The following CDH23 variants were observed in gnomAD, a reference collection of about 807,000 sequenced individuals.
CDH23 encodes the protein cadherin-23.
In CDH23, 189 loss-of-function variants were observed where a neutral mutation model predicts 317.1. The ratio of observed to expected loss-of-function variants is 0.60; its 90% CI spans 0.53 to 0.67. The LOEUF (loss-of-function observed/expected upper bound fraction) is 0.67. Among genes scored for constraint, CDH23 ranks in the 30% least tolerant of loss-of-function variants. The pLI, the probability that CDH23 is intolerant of heterozygous loss-of-function variation, is 0.00. For synonymous variants in CDH23, 1,839 were observed against 1,876.8 expected, an observed-to-expected ratio of 0.98 and a Z score of 0.52; for missense variants, 4,401 against 4,592.4, an observed-to-expected ratio of 0.96 and a Z score of 1.20.
chr10:71,689,439 A>G (rs747563361), intron 19 of CDH23, among the ~76,000 whole-genome samples: 31 of 152,098 alleles, frequency 2.0e-4, no homozygotes, highest in Non-Finnish European at 3.8e-4. Flanking sequence ...GACTGTGTCA[A>G]GGAGAAGCCT....
At chr10:71,448,597 G>A (rs1275311207) in intron 3 of CDH23, among the ~76,000 whole-genome samples, 1 of 152,236 alleles carries the variant, frequency 6.6e-6, no homozygotes. Context: ...TCACCTGAAA[G>A]TCAGGAGCCC....
intron 44 of CDH23, among the ~76,000 whole-genome samples, 186 bp downstream of exon 44, chr10:71,785,924 T>C (rs1841094423): frequency 6.6e-6 from 1 of 152,188 alleles, no homozygotes; most frequent in Non-Finnish European, 1.5e-5. Context: ...TTAACTCCTC[T>C]TGGCCTCCAT....
intron 38 of CDH23, chr10:71,761,841 G>A (rs777776745): frequency 6.2e-6 from 10 of 1,613,976 alleles, no homozygotes; most frequent in East Asian, 4.5e-5. Context: ...GTGAGGTTGC[G>A]GATGGGCCGG....
chr10:71,804,826 T>G (rs1025338738), intron 55 of CDH23, among the ~76,000 whole-genome samples: 7 of 152,232 alleles, frequency 4.6e-5, no homozygotes, highest in Non-Finnish European at 8.8e-5. Flanking sequence ...TTATAATTTA[T>G]GTATTCTTGT....
At chr10:71,541,226 C>A (rs1855971075) in intron 6 of CDH23, among the ~76,000 whole-genome samples, 1 of 152,176 alleles carries the variant, frequency 6.6e-6, no homozygotes, top group Non-Finnish European at 1.5e-5. Context: ...TCTTGGTATG[C>A]CAAGGCCCAG....
chr10:71,437,932 A>T (rs921398898), intron 1 of CDH23, among the ~76,000 whole-genome samples: 2 of 152,190 alleles, frequency 1.3e-5, no homozygotes, highest in African/African-American at 4.8e-5. Flanking sequence ...TAAGCATTTC[A>T]GTTTGCAACC....
At chr10:71,562,027 G>T (rs1458826938) in intron 6 of CDH23, among the ~76,000 whole-genome samples, 1 of 152,130 alleles carries the variant, frequency 6.6e-6, no homozygotes, top group Non-Finnish European at 1.5e-5. Context: ...GTTGGAAGAA[G>T]CTACCCTGGA....
intron 9 of CDH23, among the ~76,000 whole-genome samples, chr10:71,600,181 T>G (rs1860125790): frequency 6.6e-6 from 1 of 151,998 alleles, no homozygotes; most frequent in Non-Finnish European, 1.5e-5. Context: ...TTTGTACTTT[T>G]AGTAGAGACA....
At chr10:71,615,678 C>T in intron 10 of CDH23, 62 bp downstream of exon 10, 1 of 1,213,802 alleles carries the variant, frequency 8.2e-7, no homozygotes, top group South Asian at 1.3e-5. Flanking sequence ...GGATGCCAAC[C>T]TCCAGCAGTG....
chr10:71,605,015 A>T (rs1188448694), intron 9 of CDH23, among the ~76,000 whole-genome samples: 1 of 152,230 alleles, frequency 6.6e-6, no homozygotes, highest in Non-Finnish European at 1.5e-5. Context: ...CATTAAAATG[A>T]ATCAGTTTGC....
chr10:71,713,087 A>AC, intron 28 of CDH23: 1 of 759,672 alleles, frequency 1.3e-6, no homozygotes, highest in Non-Finnish European at 2.4e-6. Flanking sequence ...CTCCCGCCCC[A>AC]CCCAGAAGGG....
intron 1 of CDH23, among the ~76,000 whole-genome samples, chr10:71,401,547 G>A (rs959353530): frequency 9.8e-5 from 15 of 152,312 alleles, no homozygotes; most frequent in African/African-American, 3.6e-4. Context: ...GTACTTTCCA[G>A]ATGGGTGGTG....
intron 1 of CDH23, among the ~76,000 whole-genome samples, chr10:71,437,988 A>G (rs1233460276): frequency 6.6e-6 from 1 of 152,218 alleles, no homozygotes; most frequent in Non-Finnish European, 1.5e-5. Flanking sequence ...CAGTGGAAAC[A>G]CAGGGATAGG....
At chr10:71,425,625 T>G (rs933777312) in intron 1 of CDH23, among the ~76,000 whole-genome samples, 1 of 152,074 alleles carries the variant, frequency 6.6e-6, no homozygotes, top group African/African-American at 2.4e-5. Flanking sequence ...AGTTGCATGC[T>G]GTTTGCCTCA....
chr10:71,675,320 C>T (rs1864314692), intron 15 of CDH23, 144 bp downstream of exon 15: 1 of 677,514 alleles, frequency 1.5e-6, no homozygotes, highest in Non-Finnish European at 2.6e-6. Flanking sequence ...AGTTGGAACC[C>T]ATGGGCACTG....
At chr10:71,549,626 G>C (rs1489747960) in intron 6 of CDH23, among the ~76,000 whole-genome samples, 1 of 152,260 alleles carries the variant, frequency 6.6e-6, no homozygotes, top group African/African-American at 2.4e-5. Flanking sequence ...AGTCTGGGAA[G>C]AGCACTGTGC....
chr10:71,682,484 C>A lies in CDH23; in HGVS notation c.1898C>A (p.Ser633Tyr), dbSNP rs749953196. 6.2e-7 allele frequency: 1 copy of A among 1,612,924 alleles called. No individual in the cohort carries two copies. The highest frequency in any genetic ancestry group is 1.1e-5 in the South Asian group (1 of 90,700). The change falls in exon 18 of 70, where the codon TCC becomes TAC. Residue 633 changes from serine to tyrosine, a missense_variant. Around this residue, in one of 3 missense-constraint regions of CDH23, gnomAD observed 3,068 missense variants for 3,203.3 expected, o/e 0.96. Coordinates refer to ENST00000224721, the MANE Select transcript of CDH23 (RefSeq NM_022124.6). ...CGCCCCCTGGATTATGAACAGATATCCAATGGGCTGATTTATCTGACGGTC... is the reference window on the plus strand; with the variant it reads ...CGCCCCCTGGATTATGAACAGATATACAATGGGCTGATTTATCTGACGGTC... ...VSRPLDYEQI[S>Y]NGLIYLTVMA...
At chr10:71,752,968 G>T (rs773927836) in intron 38 of CDH23, 4 of 1,612,780 alleles carry the variant, frequency 2.5e-6, no homozygotes, top group Non-Finnish European at 2.5e-6. Flanking sequence ...GTCTCCATGG[G>T]CCTTACCTGT....
chr10:71,688,485 G>T (rs553965462), intron 19 of CDH23, among the ~76,000 whole-genome samples: 59 of 150,612 alleles, frequency 3.9e-4, no homozygotes, highest in African/African-American at 1.4e-3. Context: ...GCCAGGGGTC[G>T]TGGAGCCAGG....
Sources: gnomAD v4.1 joint callset for allele counts (sites outside exome capture counted in the v4.1 genomes callset) on GRCh38, gnomAD v4.1.1 for gene constraint, gnomAD v4.1.1 regional missense constraint, MANE v1.5 for transcripts, NCBI Gene and HGNC (gene_info 2026-07-23, HGNC 2026-07-21) for gene names.